The following TMEM230 variants were observed in gnomAD, a reference collection of about 807,000 sequenced individuals.
TMEM230 encodes the protein UPF0414 transmembrane protein C20orf30.
In TMEM230, 10 loss-of-function variants were observed where a neutral mutation model predicts 15.8. The observed-to-expected ratio is 0.63, with a 90% CI of 0.39 to 1.07. The LOEUF (loss-of-function observed/expected upper bound fraction) is 1.07, where lower values mean the gene tolerates loss of function less well. Ranked by LOEUF, TMEM230 falls within the 50% of genes least tolerant of loss-of-function variation. The pLI is 0.01. For synonymous variants in TMEM230, 67 were observed against 76.9 expected (o/e 0.87, Z 0.68); for missense variants, 165 against 193.3 (o/e 0.85, Z 0.87).
the TMEM230 span, among the ~76,000 whole-genome samples, chr20:5,059,438 T>C: frequency 6.6e-6 from 1 of 152,144 alleles, no homozygotes; most frequent in Non-Finnish European, 1.5e-5. Flanking sequence ...AAAACTTGTA[T>C]GTAAGGTTTA....
intron 2 of TMEM230, 64 bp from the exon 2 acceptor site, chr20:5,109,509 G>A: frequency 7.8e-7 from 1 of 1,279,074 alleles, no homozygotes. Flanking sequence ...TATAGCCAAT[G>A]AGTTCAGGAT....
At chr20:5,098,707 C>T (rs2089738853), downstream of TMEM230, among the ~76,000 whole-genome samples, 1 of 151,938 alleles carries the variant, frequency 6.6e-6, no homozygotes, top group African/African-American at 2.4e-5. Context: ...GATCCTATGA[C>T]TACTAAATGC....
At chr20:5,096,529 G>C (rs181864384), downstream of TMEM230, among the ~76,000 whole-genome samples, 1 of 152,314 alleles carries the variant, frequency 6.6e-6, no homozygotes, top group Non-Finnish European at 1.5e-5. Flanking sequence ...TAAGCAGAAA[G>C]CCAGTGCTGT....
chr20:5,099,603 C>T (rs984542784), downstream of TMEM230, among the ~76,000 whole-genome samples: 1 of 152,154 alleles, frequency 6.6e-6, no homozygotes, highest in Non-Finnish European at 1.5e-5. Flanking sequence ...AAACTCTAGA[C>T]ACACACATGC....
intron 1 of TMEM230, 76 bp downstream of exon 1, chr20:5,112,884 GC>G: frequency 6.5e-7 from 1 of 1,547,816 alleles, no homozygotes. Context: ...CTTGATTTCG[GC>G]GGGGAGCGCG....
At chr20:5,094,246 C>T (rs6084998) in intron 3 of TMEM230, among the ~76,000 whole-genome samples, 69,939 of 150,874 alleles carry the variant, frequency 0.46, 17,765 homozygotes, top group East Asian at 0.84. Context: ...CGTGAGCCAC[C>T]GTACCTGGCC....
At chr20:5,059,189 G>A in the TMEM230 span, among the ~76,000 whole-genome samples, 1 of 151,578 alleles carries the variant, frequency 6.6e-6, no homozygotes, top group Non-Finnish European at 1.5e-5. Flanking sequence ...TTTGAGACAG[G>A]TTTTGTTCTG....
intron 4 of TMEM230, among the ~76,000 whole-genome samples, chr20:5,102,688 C>CAAAAAAAAAAAAAAAAAA: frequency 1.2e-5 from 1 of 83,018 alleles, no homozygotes; most frequent in Non-Finnish European, 2.7e-5. Context: ...GACCCTGTCT[C>CAAAAAAAAAAAAAAAAAA]AAAAAAAAAA....
At chr20:5,083,599 T>C (rs2122609671) in intron 3 of TMEM230, among the ~76,000 whole-genome samples, 1 of 152,220 alleles carries the variant, frequency 6.6e-6, no homozygotes, top group Non-Finnish European at 1.5e-5. Context: ...TTTTATCTTA[T>C]TATAATTTAT....
At chr20:5,076,619 G>C (rs887972559) in intron 3 of TMEM230, among the ~76,000 whole-genome samples, 2 of 151,722 alleles carry the variant, frequency 1.3e-5, no homozygotes, top group Non-Finnish European at 2.9e-5. Flanking sequence ...TATGTAACAG[G>C]CATCTATGTA....
intron 3 of TMEM230, among the ~76,000 whole-genome samples, chr20:5,081,812 A>C (rs547644892): frequency 6.6e-6 from 1 of 151,924 alleles, no homozygotes; most frequent in South Asian, 2.1e-4. Context: ...ACGAGGAGTA[A>C]ATTTCCATCA....
intron 3 of TMEM230, among the ~76,000 whole-genome samples, chr20:5,091,298 C>T (rs1003926044): frequency 1.3e-5 from 2 of 152,104 alleles, no homozygotes; most frequent in African/African-American, 4.8e-5. Context: ...GCAACCTCTG[C>T]CTCCCCGGTT....
chr20:5,102,391 G>C (rs1303633345), intron 4 of TMEM230, among the ~76,000 whole-genome samples: 2 of 152,098 alleles, frequency 1.3e-5, no homozygotes, highest in Non-Finnish European at 2.9e-5. Flanking sequence ...AATTATACCA[G>C]TTAAAGAATT....
At chr20:5,085,340 G>C (rs1363710372) in intron 3 of TMEM230, among the ~76,000 whole-genome samples, 4 of 151,520 alleles carry the variant, frequency 2.6e-5, no homozygotes, top group African/African-American at 9.7e-5. Flanking sequence ...CCAGGCTGGA[G>C]TGCAGTGGCA....
In TMEM230 at chr20:5,102,359, G is replaced by C. The variant is rs142423727; in HGVS notation, c.412-1428C>G. 2.9e-3 allele frequency among the ~76,000 whole-genome samples: 446 copies of C among 152,168 alleles called. 3 individuals are homozygous for C. The highest frequency in any genetic ancestry group is 9.5e-3 in the African/African-American group (396 of 41,520). On this transcript the variant is annotated intron_variant, in intron 4 of 4. Coordinates refer to ENST00000342308, the MANE Select transcript of TMEM230 (RefSeq NM_001009923.2). ...AAGTCTCTTAGCAGAGAGAAGCCTG[G>C]GACTAGATGGTTTCGCTGCTGAATT...
intron 3 of TMEM230, among the ~76,000 whole-genome samples, chr20:5,079,149 A>G (rs2089100315): frequency 6.6e-6 from 1 of 151,738 alleles, no homozygotes; most frequent in Non-Finnish European, 1.5e-5. Flanking sequence ...TAGGTTTATA[A>G]TGCCATTTTA....
chr20:5,094,497 A>G (rs2089607073), intron 3 of TMEM230, among the ~76,000 whole-genome samples: 1 of 151,576 alleles, frequency 6.6e-6, no homozygotes, highest in Non-Finnish European at 1.5e-5. Flanking sequence ...TCACGAGGTC[A>G]GCAGTTTGAG....
downstream of TMEM230, chr20:5,067,376 A>C (rs2088674854): frequency 6.9e-6 from 1 of 144,918 alleles, no homozygotes; most frequent in Admixed American, 7.0e-5. Context: ...CACGCTGCAG[A>C]TGAATATGCC....
downstream of TMEM230, chr20:5,066,365 A>C (rs1352593512): frequency 6.6e-6 from 1 of 152,206 alleles, no homozygotes; most frequent in Non-Finnish European, 1.5e-5. Context: ...GAAAGAGAAC[A>C]TTTTTTAAAA....
Sources: allele counts gnomAD v4.1 joint callset (sites outside exome capture counted in the v4.1 genomes callset), GRCh38; gene constraint gnomAD v4.1.1; transcripts MANE v1.5; gene names NCBI Gene and HGNC (gene_info 2026-07-23, HGNC 2026-07-21).